SYBU: variants seen among roughly 807,000 people sequenced by gnomAD.
SYBU encodes the protein syntabulin.
Under a neutral mutation model 35.9 loss-of-function variants are expected in SYBU, and 21 were observed. That is an observed-to-expected ratio of 0.58 (90% CI 0.41 to 0.84). The LOEUF (loss-of-function observed/expected upper bound fraction) is 0.84, where lower values mean the gene tolerates loss of function less well. Ranked by LOEUF, SYBU falls within the 40% of genes least tolerant of loss-of-function variation. The pLI, the probability that SYBU is intolerant of heterozygous loss-of-function variation, is 0.00. For synonymous variants in SYBU, 319 were observed against 324.3 expected (o/e 0.98, Z 0.18); for missense variants, 768 against 848.2 (o/e 0.91, Z 1.17).
At chr8:109,604,452 C>T (rs1825858842) in intron 3 of SYBU, among the ~76,000 whole-genome samples, 1 of 152,172 alleles carries the variant, frequency 6.6e-6, no homozygotes, top group East Asian at 1.9e-4. Context: ...ACAGGGATCC[C>T]CTAGTTTATT....
At chr8:109,673,364 G>A (rs1463592915) in intron 1 of SYBU, among the ~76,000 whole-genome samples, 1 of 152,198 alleles carries the variant, frequency 6.6e-6, no homozygotes, top group East Asian at 1.9e-4. Flanking sequence ...CTGTTCTGCA[G>A]CCTCCGCTGG....
Position 109,691,330 on chromosome 8 carries a change from T to C in SYBU, c.-58+3A>G, listed in dbSNP as rs1817639963. On this transcript the variant is annotated splice_donor_region_variant and intron_variant, in intron 1 of 7. Coordinates refer to the SYBU transcript ENST00000422135. This position sits in a 1 kb window ranked among gnomAD's most constrained non-coding sequence, Gnocchi z 4.7. Reference sequence around the variant, plus strand: ...AGAGACCGCATAGGCGCCCCGGTCTTACCCTTTCTCGCCCAGAAGGGCCCC... The same window carrying C: ...AGAGACCGCATAGGCGCCCCGGTCTCACCCTTTCTCGCCCAGAAGGGCCCC... 5 of 701,598 alleles carry C rather than the reference T, an allele frequency of 7.1e-6. No homozygotes were observed. The South Asian group carries it at 7.4e-5, about 10-fold the overall frequency. 43.5% of individuals were successfully genotyped at this position (701,598 alleles called of 1,614,324 possible). A position where few individuals can be genotyped will look rare whatever the true frequency, so the allele number is the denominator to read the frequency against.
At chr8:109,637,414 T>G (rs1028526901) in intron 2 of SYBU, among the ~76,000 whole-genome samples, 1 of 152,248 alleles carries the variant, frequency 6.6e-6, no homozygotes, top group African/African-American at 2.4e-5. Flanking sequence ...ATTTTGCTCT[T>G]GGCAAATTGC....
At chr8:109,671,982 A>G (rs552866105) in intron 1 of SYBU, among the ~76,000 whole-genome samples, 21 of 152,226 alleles carry the variant, frequency 1.4e-4, no homozygotes, top group African/African-American at 5.1e-4. Context: ...GCTCATTGCA[A>G]TCTCTGCCTC....
At chr8:109,648,275 A>AATATATATATATAAT (rs1815920210), upstream of SYBU, among the ~76,000 whole-genome samples, 1 of 144,992 alleles carries the variant, frequency 6.9e-6, no homozygotes, top group Non-Finnish European at 1.5e-5. Context: ...ATATATATAT[A>AATATATATATATAAT]ATATATATAT....
chr8:109,690,368 A>G (rs1360412403), intron 1 of SYBU, among the ~76,000 whole-genome samples: 5 of 152,204 alleles, frequency 3.3e-5, no homozygotes, highest in Non-Finnish European at 7.3e-5. Context: ...CATTCCTAAC[A>G]TGTGCCTACT....
At chr8:109,617,747 T>C (rs1031783084) in intron 3 of SYBU, among the ~76,000 whole-genome samples, 1 of 152,246 alleles carries the variant, frequency 6.6e-6, no homozygotes, top group African/African-American at 2.4e-5. Flanking sequence ...GAATTCATTA[T>C]GACTAACATT....
chr8:109,638,602 T>C (rs1487235195), intron 2 of SYBU, among the ~76,000 whole-genome samples: 1 of 152,232 alleles, frequency 6.6e-6, no homozygotes, highest in Non-Finnish European at 1.5e-5. Context: ...TCCTATTAAC[T>C]GTACTTCCTT....
In SYBU at chr8:109,689,840, A is replaced by C. The variant is rs932523542; in HGVS notation, c.-58+1493T>G. 1.0e-3 allele frequency among the ~76,000 whole-genome samples: 158 copies of C among 151,538 alleles called. 1 individual carries two copies. The highest frequency in any genetic ancestry group is 1.8e-3 in the Non-Finnish European group (119 of 67,796). On this transcript the variant is annotated intron_variant, in intron 1 of 7. Coordinates refer to the SYBU transcript ENST00000422135. ...TACTGTTACTACAATATGAAAAAAA[A>C]AAAAAAAAAAAAAAACCATGACTAT...
chr8:109,593,894 G>C (rs560540177), intron 3 of SYBU, among the ~76,000 whole-genome samples: 3 of 152,188 alleles, frequency 2.0e-5, no homozygotes, highest in African/African-American at 7.2e-5. Flanking sequence ...GGTCATAAAT[G>C]TCATCCTAGC....
intron 3 of SYBU, among the ~76,000 whole-genome samples, chr8:109,595,913 AC>A (rs1171589298): frequency 2.0e-5 from 3 of 152,202 alleles, no homozygotes; most frequent in African/African-American, 7.2e-5. Context: ...TAAAATTCCC[AC>A]TTTCACTTCT....
intron 1 of SYBU, among the ~76,000 whole-genome samples, chr8:109,655,326 GA>G (rs373357885): frequency 1.3e-5 from 2 of 152,260 alleles, no homozygotes; most frequent in African/African-American, 4.8e-5. Context: ...TTTCGGCTTC[GA>G]AAATACTTTT....
At chr8:109,596,426 G>C (rs1824886319) in intron 3 of SYBU, among the ~76,000 whole-genome samples, 1 of 152,130 alleles carries the variant, frequency 6.6e-6, no homozygotes, top group Non-Finnish European at 1.5e-5. Flanking sequence ...ACAAAAACTA[G>C]AACAGTGACA....
intron 4 of SYBU, chr8:109,580,682 G>A (rs1306686236): frequency 2.0e-5 from 3 of 152,586 alleles, no homozygotes; most frequent in Non-Finnish European, 4.4e-5. Context: ...CTTGTGGCTG[G>A]AGTGGCCTTT....
At chr8:109,624,722 T>C (rs980160707) in intron 2 of SYBU, among the ~76,000 whole-genome samples, 4 of 152,200 alleles carry the variant, frequency 2.6e-5, no homozygotes, top group African/African-American at 9.7e-5. Context: ...GCTTTAAAGC[T>C]AATGTTCACC....
At chr8:109,590,284 A>G (rs938003945) in intron 3 of SYBU, among the ~76,000 whole-genome samples, 1 of 152,234 alleles carries the variant, frequency 6.6e-6, no homozygotes, top group Non-Finnish European at 1.5e-5. Flanking sequence ...GAAACGCTTC[A>G]CAGCCTAAAA....
At chr8:109,644,509 C>A in intron 1 of SYBU, 127 bp downstream of exon 1, 4 of 1,140,870 alleles carry the variant, frequency 3.5e-6, no homozygotes, top group Non-Finnish European at 4.9e-6. Flanking sequence ...CCAGACCCCA[C>A]CACCACCTCC....
At chr8:109,660,587 A>G (rs1044493882) in intron 1 of SYBU, among the ~76,000 whole-genome samples, 1 of 152,250 alleles carries the variant, frequency 6.6e-6, no homozygotes, top group African/African-American at 2.4e-5. Flanking sequence ...AAGGAAAAGA[A>G]TAAAGTGGTT....
intron 2 of SYBU, among the ~76,000 whole-genome samples, chr8:109,628,815 C>T (rs1022079822): frequency 6.8e-6 from 1 of 147,952 alleles, no homozygotes; most frequent in Non-Finnish European, 1.5e-5. Context: ...GAGTGACATC[C>T]GTCTCAAAAA....
Sources: gnomAD v4.1 joint callset for allele counts (sites outside exome capture counted in the v4.1 genomes callset) on GRCh38, gnomAD v4.1.1 for gene constraint, Gnocchi (gnomAD v3.1) non-coding constraint, MANE v1.5 for transcripts, NCBI Gene and HGNC (gene_info 2026-07-23, HGNC 2026-07-21) for gene names.